DNAH3: variants seen among roughly 807,000 people sequenced by gnomAD.
DNAH3 encodes axonemal beta dynein heavy chain 3.
DNAH3 carries 332 observed loss-of-function variants against 432.5 expected under a neutral mutation model. The observed-to-expected ratio is 0.77, with a 90% CI of 0.70 to 0.84. DNAH3 has a LOEUF of 0.84. Among genes scored for constraint, DNAH3 ranks in the 40% least tolerant of loss-of-function variants. The pLI, the probability that DNAH3 is intolerant of heterozygous loss-of-function variation, is 0.00. For synonymous variants in DNAH3, 1,956 were observed against 1,900.2 expected, an observed-to-expected ratio of 1.03 and a Z score of -0.76; for missense variants, 4,861 against 5,114.0, an observed-to-expected ratio of 0.95 and a Z score of 1.51.
intron 30 of DNAH3, 36 bp from the exon 31 acceptor site, chr16:21,049,718 G>A (rs371462735): frequency 1.3e-6 from 2 of 1,582,006 alleles, no homozygotes; most frequent in African/African-American, 2.7e-5. Context: ...CATTCAGGGT[G>A]GATTCCATCC....
At chr16:21,109,968 T>A (rs1467667544) in intron 14 of DNAH3, among the ~76,000 whole-genome samples, 1 of 152,148 alleles carries the variant, frequency 6.6e-6, no homozygotes, top group Non-Finnish European at 1.5e-5. Flanking sequence ...GGTCTTGAAC[T>A]CCTGGGCTCA....
intron 54 of DNAH3, among the ~76,000 whole-genome samples, chr16:20,956,462 G>C (rs2084569682): frequency 6.6e-6 from 1 of 152,096 alleles, no homozygotes. Flanking sequence ...TGTGGAACGT[G>C]GACTATTTCT....
intron 26 of DNAH3, among the ~76,000 whole-genome samples, chr16:21,058,891 G>T (rs2152749762): frequency 6.9e-6 from 1 of 144,612 alleles, no homozygotes; most frequent in East Asian, 2.0e-4. Context: ...AATGCATGCG[G>T]GGCTTAAAAC....
At chr16:20,936,785 G>T (rs2083606772) in exon 60 of DNAH3, 1 of 1,613,664 alleles carries the variant, frequency 6.2e-7, no homozygotes. Context: ...TAGCTCCGAG[G>T]ACATCAGGAC....
chr16:20,980,096 GA>G (rs2085789379), intron 49 of DNAH3, among the ~76,000 whole-genome samples: 1 of 150,080 alleles, frequency 6.7e-6, no homozygotes, highest in East Asian at 1.9e-4. Flanking sequence ...TCCCTTTGAT[GA>G]ATCACCAGGG....
intron 56 of DNAH3, 86 bp from the exon 57 acceptor site, chr16:20,948,723 G>C: frequency 1.4e-6 from 2 of 1,442,266 alleles, no homozygotes; most frequent in Non-Finnish European, 1.9e-6. Context: ...GCATTCTTCC[G>C]GCCAAAGATC....
chr16:21,000,593 G>C, intron 42 of DNAH3, 75 bp from the exon 43 acceptor site: 2 of 1,351,906 alleles, frequency 1.5e-6, no homozygotes, highest in Non-Finnish European at 2.0e-6. Flanking sequence ...AAGAGACCTG[G>C]GTTTACATTC....
intron 44 of DNAH3, among the ~76,000 whole-genome samples, chr16:20,992,017 C>T (rs1345889271): frequency 6.6e-6 from 1 of 152,184 alleles, no homozygotes; most frequent in Non-Finnish European, 1.5e-5. Flanking sequence ...TACAGTGGTA[C>T]ATTTCATACA....
chr16:21,140,709 T>G, exon 5 of DNAH3: 2 of 1,613,922 alleles, frequency 1.2e-6, no homozygotes, highest in Non-Finnish European at 1.7e-6. Flanking sequence ...GCCAACTTGA[T>G]CCTGAAAAGT....
intron 6 of DNAH3, 150 bp from the exon 8 acceptor site, chr16:21,134,604 C>T: frequency 3.2e-6 from 2 of 616,138 alleles, no homozygotes; most frequent in South Asian, 5.2e-5. Context: ...GTGATCCTCC[C>T]ACCTCAGCCT....
intron 41 of DNAH3, among the ~76,000 whole-genome samples, chr16:21,015,911 C>T (rs1012546079): frequency 1.3e-5 from 2 of 152,122 alleles, no homozygotes; most frequent in African/African-American, 4.8e-5. Flanking sequence ...GCCTCAGCCT[C>T]CTGAGTAGCT....
chr16:21,111,148 C>T (rs936290155), intron 14 of DNAH3, among the ~76,000 whole-genome samples: 18 of 152,204 alleles, frequency 1.2e-4, no homozygotes, highest in Non-Finnish European at 1.9e-4. Flanking sequence ...GGCCACTGCA[C>T]TCCAGATAGA....
At chr16:21,046,297 T>C (rs2089694140) in intron 31 of DNAH3, among the ~76,000 whole-genome samples, 1 of 147,710 alleles carries the variant, frequency 6.8e-6, no homozygotes, top group Non-Finnish European at 1.5e-5. Flanking sequence ...CCATTATTAA[T>C]GTGTGGGAGT....
chr16:21,050,083 C>T lies in DNAH3; in HGVS notation c.4239-65G>A, dbSNP rs377188027. ...AGACACAGGAAAGAAACCGGCTTTT[C>T]ATTTATTTTGACTCATACAAATATT... On this transcript the variant is annotated intron_variant, in intron 29 of 61. Transcript: ENST00000261383. 2.8e-3 allele frequency: 3,446 copies of T among 1,212,066 alleles called. 88 individuals are homozygous for T. The South Asian group carries it at 0.04, about 14-fold the overall frequency. The allele number at this position is 1,212,066 out of a possible 1,614,324, so 75.1% of individuals were successfully genotyped here.
chr16:21,042,478 T>A (rs918593041), intron 31 of DNAH3, among the ~76,000 whole-genome samples: 1 of 152,150 alleles, frequency 6.6e-6, no homozygotes, highest in Non-Finnish European at 1.5e-5. Context: ...CAGTAGGTAT[T>A]CTGTGTTTAT....
In DNAH3 at chr16:21,056,022, G is replaced by A. The variant is rs1397264225; in HGVS notation, c.3925-1488C>T. 3.3e-5 allele frequency among the ~76,000 whole-genome samples: 5 copies of A among 152,272 alleles called. No homozygotes were observed. In the East Asian group the frequency reaches 5.8e-4, roughly 18 times the overall value. On this transcript the variant is annotated intron_variant, in intron 27 of 61. Transcript: ENST00000261383. ...CAAACTATTGGGATTACAGGCATGA[G>A]CCACCGTATCCTGCCCTGAATCTAG...
intron 3 of DNAH3, 80 bp downstream of exon 4, chr16:21,145,101 G>A (rs980611425): frequency 4.0e-6 from 5 of 1,241,690 alleles, no homozygotes; most frequent in Non-Finnish European, 5.7e-6. Flanking sequence ...GACAGAGTGA[G>A]ACTCCATCTA....
chr16:21,031,201 G>T lies in DNAH3; in HGVS notation c.5283C>A (p.Asp1761Glu), dbSNP rs371102224. Residue 1761 changes from aspartate (D) to glutamate (E), a missense_variant, in exon 37 of 62, where the codon GAC becomes GAA. Transcript: ENST00000261383. ...CATCCATCCACTCGTGGCTCACTTGGTCAAAGCACCCATACAGCTGCCCCA... is the reference window on the plus strand; with the variant it reads ...CATCCATCCACTCGTGGCTCACTTGTTCAAAGCACCCATACAGCTGCCCCA... 41 of 1,614,116 alleles carry T rather than the reference G, an allele frequency of 2.5e-5. No individual in the cohort carries two copies. In the African/African-American group the frequency reaches 4.7e-4, roughly 18 times the overall value.
chr16:21,107,279 G>A (rs1188664072), intron 14 of DNAH3, among the ~76,000 whole-genome samples: 2 of 111,212 alleles, frequency 1.8e-5, no homozygotes, highest in Admixed American at 1.3e-4. Context: ...GTCTTGCTCT[G>A]TCACCCAGGC....
Sources: allele counts gnomAD v4.1 joint callset (sites outside exome capture counted in the v4.1 genomes callset), GRCh38; gene constraint gnomAD v4.1.1; transcripts MANE v1.5; gene names NCBI Gene and HGNC (gene_info 2026-07-23, HGNC 2026-07-21).